The following ERMP1 variants were observed in gnomAD, a reference collection of about 807,000 sequenced individuals.
The protein encoded by ERMP1 is Felix-ina.
In ERMP1, 86 loss-of-function variants were observed where a neutral mutation model predicts 92.0. The ratio of observed to expected loss-of-function variants is 0.93; its 90% CI spans 0.79 to 1.12. The LOEUF is 1.12. Ranked by LOEUF, ERMP1 falls within the 50% of genes most tolerant of loss-of-function variation. The pLI is 0.00. For missense variants in ERMP1, 1,342 were observed against 1,116.3 expected, an observed-to-expected ratio of 1.20 and a Z score of -2.88; for synonymous variants, 530 against 412.8, an observed-to-expected ratio of 1.28 and a Z score of -3.44.
intron 2 of ERMP1, among the ~76,000 whole-genome samples, chr9:5,828,326 A>G (rs764483798): frequency 1.3e-5 from 2 of 152,226 alleles, no homozygotes; most frequent in Non-Finnish European, 2.9e-5. Context: ...AGAAGCAGGT[A>G]CTATACAAAA....
intron 12 of ERMP1, among the ~76,000 whole-genome samples, chr9:5,798,219 T>G (rs1260480065): frequency 6.6e-6 from 1 of 152,062 alleles, no homozygotes; most frequent in Non-Finnish European, 1.5e-5. Context: ...GAAAACAATT[T>G]TTTTTTTTCT....
chr9:5,797,885 G>T lies in ERMP1; in HGVS notation c.2318C>A (p.Pro773His). ...PAPEVSPRNPPHFRLISKEQT... is the reference protein window; with the variant it reads ...PAPEVSPRNPHHFRLISKEQT... ...TTCTTTGGATATGAGTCGGAAATGAGGAGGATTTCTTGGAGAAACTTCTGG... is the reference window on the plus strand; with the variant it reads ...TTCTTTGGATATGAGTCGGAAATGATGAGGATTTCTTGGAGAAACTTCTGG... The change falls in exon 13 of 15, where the codon CCT becomes CAT. Residue 773 changes from proline (P) to histidine (H), a missense_variant. Physicochemically the swap from Pro to His is moderately conservative, Grantham distance 77. Transcript: ENST00000339450. 1.2e-6 allele frequency: 2 copies of T among 1,613,800 alleles called. No homozygotes were observed. Among genetic ancestry groups the T allele is most frequent in the Non-Finnish European group, 1.7e-6 (2 of 1,179,856 alleles).
At chr9:5,792,332 AAAG>A (rs1347556482) in intron 13 of ERMP1, among the ~76,000 whole-genome samples, 1 of 152,184 alleles carries the variant, frequency 6.6e-6, no homozygotes, top group African/African-American at 2.4e-5. Context: ...AATATCCTAG[AAAG>A]AAGTTTTACA....
chr9:5,829,446 G>T (rs548534520), intron 2 of ERMP1, among the ~76,000 whole-genome samples: 1 of 152,202 alleles, frequency 6.6e-6, no homozygotes, highest in East Asian at 1.9e-4. Context: ...AATTTGGCCT[G>T]CTATAAGTTC....
At chr9:5,863,029 T>A (rs763376650) in intron 5 of ERMP1, among the ~76,000 whole-genome samples, 3 of 152,200 alleles carry the variant, frequency 2.0e-5, no homozygotes, top group South Asian at 4.1e-4. Context: ...TTTGAGCCCA[T>A]TTTTGCTTTG....
At chr9:5,863,664 C>T (rs914563192) in intron 5 of ERMP1, among the ~76,000 whole-genome samples, 3 of 152,128 alleles carry the variant, frequency 2.0e-5, no homozygotes, top group Non-Finnish European at 4.4e-5. Context: ...AGCTTGCCTG[C>T]CCTTGGGAAG....
At chr9:5,805,859 C>T in intron 8 of ERMP1, 74 bp from the exon 9 acceptor site, 2 of 1,123,190 alleles carry the variant, frequency 1.8e-6, no homozygotes, top group Non-Finnish European at 2.5e-6. Flanking sequence ...TAGTAACACA[C>T]TTTCCATCAC....
At chr9:5,850,564 G>A (rs1830297639) in intron 6 of ERMP1, among the ~76,000 whole-genome samples, 1 of 151,994 alleles carries the variant, frequency 6.6e-6, no homozygotes, top group Admixed American at 6.6e-5. Flanking sequence ...CGTGAAGTTC[G>A]TAAACCTCTG....
chr9:5,862,417 C>G (rs1308964911), intron 5 of ERMP1, among the ~76,000 whole-genome samples: 1 of 151,918 alleles, frequency 6.6e-6, no homozygotes, highest in Admixed American at 6.6e-5. Context: ...ATTGCAGCCT[C>G]GAACTCCTGG....
chr9:5,813,005 T>C lies in ERMP1; in HGVS notation c.905A>G (p.Tyr302Cys). Residue 302 changes from tyrosine to cysteine, a missense_variant, in exon 5 of 15, where the codon TAT (tyrosine) becomes TGT (cysteine). By Grantham distance (194) the Tyr-to-Cys change is radical. Transcript: ENST00000339450. ...GPENPWLVQA[Y>C]VSAAKHPFAS... ...AAAAGGGTGTTTAGCTGCTGAAACA[T>C]AAGCTTGAACCAACCAAGGATTTTC... 1 of 1,614,018 alleles carries C rather than the reference T, an allele frequency of 6.2e-7. No homozygotes were observed. The highest frequency in any genetic ancestry group is 2.2e-5 in the East Asian group (1 of 44,870).
chr9:5,854,139 G>A (rs1830343348), intron 6 of ERMP1, among the ~76,000 whole-genome samples: 1 of 152,020 alleles, frequency 6.6e-6, no homozygotes, highest in Non-Finnish European at 1.5e-5. Flanking sequence ...TGGGGAGAAA[G>A]AAGCTGCTGT....
At chr9:5,845,243 A>T (rs1312507005) in intron 6 of ERMP1, among the ~76,000 whole-genome samples, 1 of 150,934 alleles carries the variant, frequency 6.6e-6, no homozygotes, top group Non-Finnish European at 1.5e-5. Flanking sequence ...CTCTGAGAGG[A>T]TTTGACAAAT....
chr9:5,863,216 G>T (rs188198874), intron 5 of ERMP1, among the ~76,000 whole-genome samples: 2 of 152,276 alleles, frequency 1.3e-5, no homozygotes, highest in East Asian at 3.9e-4. Context: ...TTCCAATGAT[G>T]GGCAGCTTCA....
rs778548813 is a variant in ERMP1, at chr9:5,798,819, G to A, written c.2257C>T (p.His753Tyr). 1.9e-6 allele frequency: 3 copies of A among 1,612,372 alleles called. No homozygotes were observed. Among genetic ancestry groups the A allele is most frequent in the South Asian group, 1.1e-5 (1 of 91,042 alleles). The change falls in exon 12 of 15, where the codon CAC becomes TAC. Residue 753 changes from histidine to tyrosine, a missense_variant. By Grantham distance (83) the His-to-Tyr change is moderately conservative (BLOSUM62 2). Coordinates refer to ENST00000339450, the MANE Select transcript of ERMP1 (RefSeq NM_024896.3). ...TAATGAACCAACCTGATCAGAAAGT[G>A]CACTGGAAGATACCAAGGAAAACCA... ...LCGFPWYLPVHFLIRKNWYLP... is the reference protein window; with the variant it reads ...LCGFPWYLPVYFLIRKNWYLP...
upstream of ERMP1, among the ~76,000 whole-genome samples, chr9:5,835,684 G>T (rs139074043): frequency 6.6e-6 from 1 of 152,198 alleles, no homozygotes; most frequent in African/African-American, 2.4e-5. Flanking sequence ...TGCAAGGAAG[G>T]CCTCCTGGCC....
At chr9:5,805,379 A>G (rs1394541938) in intron 9 of ERMP1, among the ~76,000 whole-genome samples, 162 bp from the exon 10 acceptor site, 1 of 152,174 alleles carries the variant, frequency 6.6e-6, no homozygotes, top group Non-Finnish European at 1.5e-5. Context: ...TTCACTCAGG[A>G]TAAAATACAA....
intron 6 of ERMP1, among the ~76,000 whole-genome samples, chr9:5,849,961 C>T (rs1347089870): frequency 6.6e-6 from 1 of 152,178 alleles, no homozygotes; most frequent in African/African-American, 2.4e-5. Flanking sequence ...GAATCATATC[C>T]ATGGTGGGAT....
At chr9:5,850,686 T>C (rs916546323) in intron 6 of ERMP1, among the ~76,000 whole-genome samples, 3 of 152,150 alleles carry the variant, frequency 2.0e-5, no homozygotes, top group Admixed American at 6.6e-5. Flanking sequence ...AATCCCAGTA[T>C]TCAGTTAATT....
chr9:5,792,491 A>T (rs1828239249), intron 13 of ERMP1, among the ~76,000 whole-genome samples: 1 of 152,188 alleles, frequency 6.6e-6, no homozygotes, highest in South Asian at 2.1e-4. Context: ...TGACACTAAA[A>T]GTTTTTCAGT....
Sources: allele counts gnomAD v4.1 joint callset (sites outside exome capture counted in the v4.1 genomes callset), GRCh38; gene constraint gnomAD v4.1.1; transcripts MANE v1.5; gene names NCBI Gene and HGNC (gene_info 2026-07-23, HGNC 2026-07-21).